The following RASGRF1 variants were observed in gnomAD, a reference collection of about 807,000 sequenced individuals.
The protein encoded by RASGRF1 is ras-specific guanine nucleotide-releasing factor 1.
A neutral mutation model predicts 138.7 loss-of-function variants in RASGRF1; 40 were observed. That is an observed-to-expected ratio of 0.29 (90% confidence interval 0.22 to 0.38). The LOEUF is 0.38. RASGRF1 is among the 10% of genes least tolerant of loss of function. The pLI, the probability that RASGRF1 is intolerant of heterozygous loss-of-function variation, is 1.00. For missense variants in RASGRF1, 1,108 were observed against 1,650.4 expected, an observed-to-expected ratio of 0.67 and a Z score of 5.69; for synonymous variants, 614 against 663.2, an observed-to-expected ratio of 0.93 and a Z score of 1.14.
rs377348046 is a variant in RASGRF1 at position 79,067,030 on chromosome 15, C to G, written c.277-2504G>C. On this transcript the variant is annotated intron_variant, in intron 1 of 26. Transcript: ENST00000558480. ...CACGACCTTTCTCCTGGGCTACTGTCACAGTCTCCTAACAAGCATCCTGCA... is the reference window on the plus strand; with the variant it reads ...CACGACCTTTCTCCTGGGCTACTGTGACAGTCTCCTAACAAGCATCCTGCA... Among the ~76,000 whole-genome samples, 24 of 152,216 alleles carry G rather than the reference C, an allele frequency of 1.6e-4. No individual in the cohort carries two copies. In the East Asian group the frequency reaches 1.7e-3, roughly 11 times the overall value.
chr15:78,962,357 G>A (rs1399224277), intron 26 of RASGRF1, 121 bp from the exon 27 acceptor site: 4 of 683,572 alleles, frequency 5.9e-6, no homozygotes, highest in Non-Finnish European at 7.5e-6. Flanking sequence ...GTGGGCATAT[G>A]AGGCAAAAAT....
intron 2 of RASGRF1, 33 bp downstream of exon 2, chr15:79,064,387 T>A (rs781294383): frequency 6.3e-7 from 1 of 1,592,750 alleles, no homozygotes; most frequent in African/African-American, 1.3e-5. Flanking sequence ...GACTGTGGAG[T>A]AGGGGCTTCC....
chr15:79,061,413 A>ATATATATATATATATCTATATAT (rs1567598878), intron 2 of RASGRF1, among the ~76,000 whole-genome samples: 1 of 117,060 alleles, frequency 8.5e-6, no homozygotes, highest in African/African-American at 3.5e-5. Flanking sequence ...CTATCTTTAA[A>ATATATATATATATATCTATATAT]ATATATATAT....
At chr15:79,031,356 C>G (rs369764290) in intron 8 of RASGRF1, 44 bp downstream of exon 8, 1 of 1,458,456 alleles carries the variant, frequency 6.9e-7, no homozygotes, top group African/African-American at 1.4e-5. Flanking sequence ...ACCCTCAGCC[C>G]TGCCCTGTCT....
intron 3 of RASGRF1, among the ~76,000 whole-genome samples, chr15:79,057,750 C>T (rs1298938325): frequency 3.3e-5 from 5 of 152,230 alleles, no homozygotes; most frequent in Non-Finnish European, 4.4e-5. Context: ...GAAACCAATG[C>T]TGCTGCTTCA....
intron 8 of RASGRF1, among the ~76,000 whole-genome samples, chr15:79,028,363 T>C (rs757884175): frequency 2.6e-5 from 4 of 152,174 alleles, no homozygotes; most frequent in African/African-American, 9.6e-5. Flanking sequence ...ATTTGCATAA[T>C]TGTGTCCTTA....
rs2057069508 is a variant in RASGRF1, at chr15:79,027,158, T to C, written c.1381+583A>G. 6.6e-6 allele frequency among the ~76,000 whole-genome samples: 1 copy of C among 152,196 alleles called. No homozygotes were observed. The highest frequency in any genetic ancestry group is 1.5e-5 in the Non-Finnish European group (1 of 68,034). On this transcript the variant is annotated intron_variant, in intron 9 of 26. Transcript: ENST00000558480. The surrounding 1 kb of genome is among the most constrained non-coding windows in gnomAD (Gnocchi z 4.8). ...AATTTCAAATGCATTGCAGTTCTGA[T>C]GTCAGTCCCCTGAGCCACAGAGAGC...
At chr15:78,990,414 G>A in intron 21 of RASGRF1, 141 bp from the exon 22 acceptor site, 1 of 629,972 alleles carries the variant, frequency 1.6e-6, no homozygotes, top group Admixed American at 2.8e-5. Context: ...GCCCTGGAAG[G>A]AAGGAACCTT....
chr15:79,025,432 G>C lies in RASGRF1; in HGVS notation c.1424C>G (p.Thr475Ser). Residue 475 changes from threonine to serine, a missense_variant, in exon 10 of 27, where the codon ACC becomes AGC. Coordinates refer to ENST00000558480, the MANE Select transcript of RASGRF1 (RefSeq NM_001145648.3). ...GGAGAGAGACCCCAGGCGCCCCCTGGTGATCTTGCCCTTTTCAGACATGGG... is the reference window on the plus strand; with the variant it reads ...GGAGAGAGACCCCAGGCGCCCCCTGCTGATCTTGCCCTTTTCAGACATGGG... ...QVPMSEKGKI[T>S]RGRLGSLSLK... 2 of 1,613,978 alleles carry C rather than the reference G, an allele frequency of 1.2e-6. No individual in the cohort carries two copies. Among genetic ancestry groups the C allele is most frequent in the South Asian group, 1.1e-5 (1 of 91,058 alleles).
intron 12 of RASGRF1, 144 bp downstream of exon 12, chr15:79,017,626 G>A: frequency 9.1e-7 from 1 of 1,100,276 alleles, no homozygotes; most frequent in Non-Finnish European, 1.2e-6. Context: ...GTAGGGCTGT[G>A]GACTTGGAAG....
chr15:78,993,483 A>G (rs894781), intron 20 of RASGRF1, among the ~76,000 whole-genome samples: 107,417 of 151,850 alleles, frequency 0.71, 40,647 homozygotes, highest in East Asian at 0.89. Flanking sequence ...AGGTGCAGGA[A>G]CATGGGTGTT....
intron 13 of RASGRF1, among the ~76,000 whole-genome samples, chr15:79,009,306 G>A (rs755545299): frequency 2.6e-5 from 4 of 152,226 alleles, no homozygotes; most frequent in Non-Finnish European, 5.9e-5. Context: ...AAAGGAAGGT[G>A]AGAAACTGTG....
chr15:79,004,835 A>C, intron 14 of RASGRF1: 2 of 985,344 alleles, frequency 2.0e-6, no homozygotes, highest in South Asian at 9.4e-5. Flanking sequence ...ACAGGATAGG[A>C]TTGATCTTTT....
intron 2 of RASGRF1, among the ~76,000 whole-genome samples, chr15:79,058,850 A>C (rs902796603): frequency 1.3e-5 from 2 of 152,206 alleles, no homozygotes; most frequent in African/African-American, 4.8e-5. Context: ...AATGAATATC[A>C]GGTTTTTAAG....
At chr15:79,058,535 A>G in intron 2 of RASGRF1, 54 bp from the exon 3 acceptor site, 1 of 1,599,230 alleles carries the variant, frequency 6.3e-7, no homozygotes, top group Non-Finnish European at 8.5e-7. Context: ...CCTCTGGCGA[A>G]CCAAGCAGGG....
intron 3 of RASGRF1, among the ~76,000 whole-genome samples, chr15:79,053,060 G>A (rs1421140889): frequency 6.6e-6 from 1 of 152,096 alleles, no homozygotes; most frequent in Non-Finnish European, 1.5e-5. Flanking sequence ...GAGGTCTGGA[G>A]TTTGAGACCA....
At chr15:79,012,443 T>A in intron 13 of RASGRF1, 1 of 1,313,234 alleles carries the variant, frequency 7.6e-7, no homozygotes, top group South Asian at 1.2e-5. Context: ...TCTATGTCTC[T>A]CTCTCTCTCA....
rs2055767363 is a variant in RASGRF1, at chr15:78,971,855, G to A, written c.3681+11C>T. 2.6e-6 allele frequency: 4 copies of A among 1,564,944 alleles called. No homozygotes were observed. Among genetic ancestry groups the A allele is most frequent in the South Asian group, 1.1e-5 (1 of 90,034 alleles). On this transcript the variant is annotated intron_variant, in intron 26 of 26. Transcript: ENST00000558480. ...AAAGCATGCAAGTGACCAGGAAAAG[G>A]CACAGCTTACCTTTGCTTGGTGCTC...
chr15:79,065,935 G>GGA (rs900989746), intron 1 of RASGRF1, among the ~76,000 whole-genome samples: 11 of 150,968 alleles, frequency 7.3e-5, no homozygotes, highest in African/African-American at 1.7e-4. Context: ...GAGTATGGCA[G>GGA]GAGAGAGAGA....
Sources: gnomAD v4.1 joint callset for allele counts (sites outside exome capture counted in the v4.1 genomes callset) on GRCh38, gnomAD v4.1.1 for gene constraint, Gnocchi (gnomAD v3.1) non-coding constraint, MANE v1.5 for transcripts, NCBI Gene and HGNC (gene_info 2026-07-23, HGNC 2026-07-21) for gene names.